IGF1R: variants seen among roughly 807,000 people sequenced by gnomAD.
IGF1R encodes insulin like growth factor 1 receptor.
In IGF1R, 44 loss-of-function variants were observed where a neutral mutation model predicts 144.6. The observed-to-expected ratio is 0.30, with a 90% confidence interval of 0.24 to 0.39. The LOEUF (loss-of-function observed/expected upper bound fraction) is 0.39, where lower values mean the gene tolerates loss of function less well. IGF1R is among the 10% of genes least tolerant of loss of function. The pLI is 1.00. For synonymous variants in IGF1R, 795 were observed against 722.8 expected (o/e 1.10, Z -1.60); for missense variants, 1,355 against 1,833.7 (o/e 0.74, Z 4.77).
intron 2 of IGF1R, among the ~76,000 whole-genome samples, chr15:98,869,615 A>G (rs1489050499): frequency 6.6e-6 from 1 of 151,916 alleles, no homozygotes. Context: ...TTGTGTTTTT[A>G]GTAGAGATGG....
intron 2 of IGF1R, among the ~76,000 whole-genome samples, chr15:98,733,612 G>A (rs560728099): frequency 6.6e-6 from 1 of 152,140 alleles, no homozygotes; most frequent in East Asian, 1.9e-4. Context: ...TCATTTGAGT[G>A]AAGAGCCCTC....
At chr15:98,674,305 A>C (rs1466458038) in intron 1 of IGF1R, among the ~76,000 whole-genome samples, 1 of 152,204 alleles carries the variant, frequency 6.6e-6, no homozygotes. Flanking sequence ...AACTGTGTTC[A>C]CTCTTGAATG....
chr15:98,740,462 A>G (rs1159703046), intron 2 of IGF1R, among the ~76,000 whole-genome samples: 4 of 152,376 alleles, frequency 2.6e-5, no homozygotes, highest in Admixed American at 1.3e-4. Context: ...AAGCACACCC[A>G]TCGAAACCCA....
intron 2 of IGF1R, among the ~76,000 whole-genome samples, chr15:98,777,958 T>C (rs971917494): frequency 1.3e-5 from 2 of 152,214 alleles, no homozygotes; most frequent in African/African-American, 4.8e-5. Context: ...TAAAGACCCA[T>C]AGATGCTCTT....
At chr15:98,946,054 C>G (rs1422980520) in intron 19 of IGF1R, among the ~76,000 whole-genome samples, 2 of 151,790 alleles carry the variant, frequency 1.3e-5, no homozygotes, top group African/African-American at 4.8e-5. Flanking sequence ...TCGTCGTCGT[C>G]CTGGTCCTGG....
intron 2 of IGF1R, among the ~76,000 whole-genome samples, chr15:98,830,605 C>CTT (rs60426791): frequency 1.2e-4 from 16 of 135,944 alleles, no homozygotes; most frequent in South Asian, 2.3e-4. Context: ...TGATCATCAT[C>CTT]TTTTTTTTTT....
intron 15 of IGF1R, among the ~76,000 whole-genome samples, chr15:98,933,385 C>G (rs902645284): frequency 6.6e-6 from 1 of 152,084 alleles, no homozygotes; most frequent in East Asian, 1.9e-4. Flanking sequence ...ACTCTGTTGC[C>G]CAGGCTGGAG....
chr15:98,702,181 A>G (rs945808664), intron 1 of IGF1R, among the ~76,000 whole-genome samples: 3 of 151,796 alleles, frequency 2.0e-5, no homozygotes, highest in Admixed American at 1.3e-4. Context: ...TCTCATATTA[A>G]CATTTAGTTC....
At chr15:98,844,455 G>A (rs1450081584) in intron 2 of IGF1R, among the ~76,000 whole-genome samples, 2 of 151,986 alleles carry the variant, frequency 1.3e-5, no homozygotes, top group Non-Finnish European at 1.5e-5. Context: ...ACTATTTACG[G>A]TTTGGGGTAG....
At chr15:98,818,785 A>G (rs930411643) in intron 2 of IGF1R, among the ~76,000 whole-genome samples, 4 of 149,948 alleles carry the variant, frequency 2.7e-5, no homozygotes, top group Non-Finnish European at 4.4e-5. Flanking sequence ...GTATCTAGAC[A>G]TTGACAGATG....
chr15:98,686,734 G>A (rs2053338938), intron 1 of IGF1R, among the ~76,000 whole-genome samples: 1 of 151,156 alleles, frequency 6.6e-6, no homozygotes, highest in South Asian at 2.1e-4. Flanking sequence ...GCAGTGATGT[G>A]AGCATAGTTC....
chr15:98,865,009 T>TA (rs1241441662), intron 2 of IGF1R, among the ~76,000 whole-genome samples: 1 of 152,178 alleles, frequency 6.6e-6, no homozygotes, highest in Non-Finnish European at 1.5e-5. Context: ...GTCTGAAATG[T>TA]AGCTGTTATA....
At chr15:98,650,791 C>G in intron 1 of IGF1R, 1 of 622,584 alleles carries the variant, frequency 1.6e-6, no homozygotes, top group Non-Finnish European at 2.0e-6. Context: ...TTCTGCCGCC[C>G]CGCACTTCCT....
intron 1 of IGF1R, among the ~76,000 whole-genome samples, chr15:98,701,449 G>C (rs2053731498): frequency 6.8e-6 from 1 of 146,022 alleles, no homozygotes; most frequent in African/African-American, 2.6e-5. Context: ...CCATTCTCCT[G>C]CCTCAGCCTC....
intron 12 of IGF1R, among the ~76,000 whole-genome samples, chr15:98,924,309 A>C (rs1027490774): frequency 1.3e-5 from 2 of 152,248 alleles, no homozygotes; most frequent in African/African-American, 4.8e-5. Flanking sequence ...GTTCTTGGTT[A>C]CAAAAATGTT....
chr15:98,938,750 C>A (rs181699137), intron 17 of IGF1R, among the ~76,000 whole-genome samples: 68 of 152,312 alleles, frequency 4.5e-4, no homozygotes, highest in Non-Finnish European at 8.2e-4. Flanking sequence ...TATACCATGT[C>A]CATTTGGAAA....
chr15:98,871,417 G>C (rs1364329828), intron 2 of IGF1R, among the ~76,000 whole-genome samples: 1 of 152,208 alleles, frequency 6.6e-6, no homozygotes, highest in East Asian at 1.9e-4. Context: ...TTCTTCACCT[G>C]TTTCTTTATT....
intron 2 of IGF1R, among the ~76,000 whole-genome samples, chr15:98,790,123 G>A (rs1482182222): frequency 6.6e-6 from 1 of 152,184 alleles, no homozygotes; most frequent in African/African-American, 2.4e-5. Flanking sequence ...TCGAAGGAAG[G>A]ATGAGGACAA....
intron 2 of IGF1R, among the ~76,000 whole-genome samples, chr15:98,878,630 C>T (rs1463504531): frequency 2.5e-5 from 3 of 119,400 alleles, no homozygotes; most frequent in Non-Finnish European, 4.8e-5. Flanking sequence ...ACCCATTCTG[C>T]AGTGATTTCT....
Sources: allele counts gnomAD v4.1 joint callset (sites outside exome capture counted in the v4.1 genomes callset), GRCh38; gene constraint gnomAD v4.1.1; transcripts MANE v1.5; gene names NCBI Gene and HGNC (gene_info 2026-07-23, HGNC 2026-07-21).